Variants in GUCY1A2 observed in about 807,000 individuals in gnomAD.
The protein encoded by GUCY1A2 is guanylate cyclase 1 soluble subunit alpha 2.
In GUCY1A2, 27 loss-of-function variants were observed where a neutral mutation model predicts 63.5. The observed-to-expected ratio is 0.43, with a 90% confidence interval of 0.31 to 0.59. The LOEUF (loss-of-function observed/expected upper bound fraction) is 0.59. Ranked by LOEUF, GUCY1A2 falls within the 20% of genes least tolerant of loss-of-function variation. GUCY1A2 has a pLI of 0.11. For synonymous variants in GUCY1A2, 364 were observed against 343.5 expected (o/e 1.06, Z -0.66); for missense variants, 768 against 913.3 (o/e 0.84, Z 2.05).
intron 6 of GUCY1A2, among the ~76,000 whole-genome samples, chr11:106,722,913 T>A (rs1863342182): frequency 6.6e-6 from 1 of 152,130 alleles, no homozygotes. Context: ...CCCCCAGACA[T>A]GTGAAATTCA....
At chr11:106,919,042 A>G (rs1860405544) in intron 4 of GUCY1A2, among the ~76,000 whole-genome samples, 1 of 152,156 alleles carries the variant, frequency 6.6e-6, no homozygotes, top group African/African-American at 2.4e-5. Flanking sequence ...GAATTCCTAT[A>G]TGCAAAACAT....
intron 4 of GUCY1A2, chr11:106,827,230 G>C: frequency 1.3e-6 from 2 of 1,537,092 alleles, no homozygotes; most frequent in South Asian, 1.1e-5. Context: ...TTTGCTTCTA[G>C]CTTCCTTTTT....
intron 4 of GUCY1A2, among the ~76,000 whole-genome samples, chr11:106,904,844 T>C (rs909416379): frequency 6.6e-6 from 1 of 151,976 alleles, no homozygotes; most frequent in Non-Finnish European, 1.5e-5. Flanking sequence ...TGCCAATTGG[T>C]AAAAAATAAT....
At chr11:106,846,521 TAAA>T (rs1859275794) in intron 4 of GUCY1A2, among the ~76,000 whole-genome samples, 1 of 151,600 alleles carries the variant, frequency 6.6e-6, no homozygotes, top group South Asian at 2.1e-4. Flanking sequence ...AATACTAACT[TAAA>T]AAACGATTAA....
intron 6 of GUCY1A2, among the ~76,000 whole-genome samples, chr11:106,751,437 A>C (rs191216604): frequency 1.0e-3 from 152 of 152,126 alleles, no homozygotes; most frequent in Non-Finnish European, 1.7e-3. Context: ...TCATGCATCA[A>C]ATCATTAAAT....
chr11:106,779,520 C>T (rs1413454943), intron 5 of GUCY1A2, among the ~76,000 whole-genome samples: 3 of 152,144 alleles, frequency 2.0e-5, no homozygotes, highest in Non-Finnish European at 4.4e-5. Context: ...GATATCAGAA[C>T]ATATAGTCAG....
chr11:106,883,853 C>T (rs745865982), intron 4 of GUCY1A2, among the ~76,000 whole-genome samples: 60 of 151,930 alleles, frequency 3.9e-4, no homozygotes, highest in Non-Finnish European at 5.4e-4. Flanking sequence ...TGGAATACTA[C>T]GCAGCCATAA....
rs1219769989 is a variant in GUCY1A2 at position 106,997,598 on chromosome 11, A to AGGGGAAGCAAGAT, written c.304-11480_304-11468dup. 2.9e-3 allele frequency among the ~76,000 whole-genome samples: 434 copies of AGGGGAAGCAAGAT among 148,802 alleles called. 1 individual carries two copies. The highest frequency in any genetic ancestry group is 0.01 in the African/African-American group (420 of 40,702). On this transcript the variant is annotated intron_variant, in intron 1 of 7. Transcript: ENST00000526355. The stretch of plus-strand genomic sequence containing the variant: ...AACAAGTCAACAAAGTAGGAGCCAT[A>AGGGGAAGCAAGAT]GGGGAAGCAAGATAGGGAACCCCCC...
intron 5 of GUCY1A2, among the ~76,000 whole-genome samples, chr11:106,807,166 T>A (rs1290534314): frequency 6.6e-6 from 1 of 152,196 alleles, no homozygotes; most frequent in Non-Finnish European, 1.5e-5. Flanking sequence ...CTATACATAC[T>A]TTCAATCTAG....
chr11:106,879,060 C>T (rs1859789747), intron 4 of GUCY1A2, among the ~76,000 whole-genome samples: 1 of 152,054 alleles, frequency 6.6e-6, no homozygotes, highest in Non-Finnish European at 1.5e-5. Context: ...CTTCTATGAC[C>T]TATTCCTTGT....
chr11:106,986,470 A>C (rs1192145857), intron 1 of GUCY1A2, among the ~76,000 whole-genome samples: 4 of 152,188 alleles, frequency 2.6e-5, no homozygotes, highest in Non-Finnish European at 4.4e-5. Flanking sequence ...GCCCTGCAGA[A>C]ACATGAGTCA....
intron 3 of GUCY1A2, among the ~76,000 whole-genome samples, chr11:106,964,054 T>TAC (rs150379221): frequency 2.9e-4 from 44 of 149,674 alleles, no homozygotes; most frequent in Admixed American, 1.5e-3. Context: ...CATACACACG[T>TAC]ATACACACAC....
chr11:106,982,674 G>A (rs922023304), intron 2 of GUCY1A2, among the ~76,000 whole-genome samples: 6 of 152,098 alleles, frequency 3.9e-5, no homozygotes, highest in African/African-American at 1.4e-4. Context: ...TGTATATAAA[G>A]AATAAGCCGT....
At chr11:106,953,315 C>T (rs900057791) in intron 3 of GUCY1A2, among the ~76,000 whole-genome samples, 7 of 152,034 alleles carry the variant, frequency 4.6e-5, no homozygotes, top group Admixed American at 1.3e-4. Flanking sequence ...GTTTATCTGA[C>T]GGATTATGTT....
intron 5 of GUCY1A2, among the ~76,000 whole-genome samples, chr11:106,808,385 G>A (rs1045487121): frequency 5.9e-5 from 9 of 151,856 alleles, no homozygotes; most frequent in Non-Finnish European, 1.2e-4. Flanking sequence ...AAGATCATAC[G>A]GAGTATTTCT....
At position 106,687,145 on chromosome 11, in the gene GUCY1A2, C is replaced by G; in HGVS notation, c.*404G>C. 4.3e-6 allele frequency: 1 copy of G among 234,370 alleles called. No individual in the cohort carries two copies. Among genetic ancestry groups the G allele is most frequent in the African/African-American group, 2.2e-5 (1 of 45,274 alleles). The allele number at this position is 234,370 out of a possible 1,614,324, so 14.5% of individuals were successfully genotyped here. A position where few individuals can be genotyped will look rare whatever the true frequency, so the allele number is the denominator to read the frequency against. ...AAGAAACTTAGAAAATATTCCTCAC[C>G]CACCAACTCACTAAATGTAGGAATA... On this transcript the variant is annotated 3_prime_UTR_variant, in exon 8 of 8. Transcript: ENST00000526355.
chr11:107,013,322 T>C (rs866524262), intron 1 of GUCY1A2, among the ~76,000 whole-genome samples: 3 of 152,234 alleles, frequency 2.0e-5, no homozygotes, highest in Admixed American at 1.3e-4. Context: ...GTATCTTCAC[T>C]GACAGGCTGA....
At chr11:106,847,779 G>C (rs375055731) in intron 4 of GUCY1A2, among the ~76,000 whole-genome samples, 4 of 151,572 alleles carry the variant, frequency 2.6e-5, no homozygotes, top group African/African-American at 9.7e-5. Flanking sequence ...CATGGGATAA[G>C]AGGCTAAAGA....
At chr11:106,930,104 G>A (rs1437156285) in intron 4 of GUCY1A2, among the ~76,000 whole-genome samples, 1 of 152,024 alleles carries the variant, frequency 6.6e-6, no homozygotes, top group Non-Finnish European at 1.5e-5. Flanking sequence ...AACAACTAAG[G>A]GAATGTTTAA....
Sources: gnomAD v4.1 joint callset for allele counts (sites outside exome capture counted in the v4.1 genomes callset) on GRCh38, gnomAD v4.1.1 for gene constraint, MANE v1.5 for transcripts, NCBI Gene and HGNC (gene_info 2026-07-23, HGNC 2026-07-21) for gene names.